ERBB4: variants seen among roughly 807,000 people sequenced by gnomAD.
The protein encoded by ERBB4 is receptor tyrosine-protein kinase erbB-4.
Under a neutral mutation model 158.0 loss-of-function variants are expected in ERBB4, and 42 were observed. That is an observed-to-expected ratio of 0.27 (90% CI 0.21 to 0.34). The LOEUF (loss-of-function observed/expected upper bound fraction) is 0.34. ERBB4 is among the 10% of genes least tolerant of loss of function. The pLI, the probability that ERBB4 is intolerant of heterozygous loss-of-function variation, is 1.00. For missense variants in ERBB4, 1,333 were observed against 1,624.1 expected (o/e 0.82, Z 3.08); for synonymous variants, 583 against 558.7 (o/e 1.04, Z -0.61).
At chr2:211,579,490 C>T (rs1484977013) in intron 19 of ERBB4, among the ~76,000 whole-genome samples, 2 of 152,150 alleles carry the variant, frequency 1.3e-5, no homozygotes, top group Admixed American at 1.3e-4. Flanking sequence ...TGGAAAGATA[C>T]ATGCACATCT....
intron 1 of ERBB4, among the ~76,000 whole-genome samples, chr2:212,151,407 C>T (rs776949090): frequency 3.5e-4 from 53 of 151,278 alleles, no homozygotes; most frequent in Non-Finnish European, 6.0e-4. Flanking sequence ...TATATCAAAC[C>T]ATCAATGTTA....
At chr2:212,206,140 T>C (rs2082738238) in intron 1 of ERBB4, among the ~76,000 whole-genome samples, 1 of 152,186 alleles carries the variant, frequency 6.6e-6, no homozygotes, top group African/African-American at 2.4e-5. Context: ...ACTGACCTGT[T>C]TCATGGTTAC....
intron 3 of ERBB4, among the ~76,000 whole-genome samples, chr2:211,934,900 C>T (rs1336857744): frequency 4.4e-5 from 5 of 113,404 alleles, no homozygotes; most frequent in Admixed American, 2.9e-4. Context: ...AGTAAAAAAT[C>T]TACACTAAGC....
intron 1 of ERBB4, among the ~76,000 whole-genome samples, chr2:212,142,303 T>C (rs2080507065): frequency 6.6e-6 from 1 of 152,090 alleles, no homozygotes; most frequent in African/African-American, 2.4e-5. Context: ...TTATAGCATT[T>C]GGAAGTACTT....
intron 25 of ERBB4, among the ~76,000 whole-genome samples, chr2:211,407,136 A>G (rs1191016493): frequency 1.3e-5 from 2 of 152,194 alleles, no homozygotes; most frequent in Non-Finnish European, 2.9e-5. Context: ...ATGAGATTTA[A>G]TAAACTAATA....
chr2:211,655,629 C>A (rs931871033), intron 16 of ERBB4, among the ~76,000 whole-genome samples: 1 of 152,166 alleles, frequency 6.6e-6, no homozygotes, highest in African/African-American at 2.4e-5. Context: ...ATAAGAAAAT[C>A]ATCAAAGCAA....
intron 1 of ERBB4, among the ~76,000 whole-genome samples, chr2:212,521,108 T>C (rs545718076): frequency 6.6e-5 from 10 of 152,064 alleles, no homozygotes; most frequent in Admixed American, 2.0e-4. Context: ...AGTTGTGTCC[T>C]ATATTGAAGT....
Position 211,556,776 on chromosome 2 carries a change from G to A in ERBB4, c.2487+5127C>T, listed in dbSNP as rs564728949. On this transcript the variant is annotated intron_variant, in intron 20 of 27. Transcript: ENST00000342788. ...AGAAAACTATTTTAAAATTCATATGGAACCAAAAAAGAGCCTGAATAGCCA... is the reference window on the plus strand; with the variant it reads ...AGAAAACTATTTTAAAATTCATATGAAACCAAAAAAGAGCCTGAATAGCCA... Among the ~76,000 whole-genome samples, 30 of 152,092 alleles carry A rather than the reference G, an allele frequency of 2.0e-4. No individual in the cohort carries two copies. In the South Asian group the frequency reaches 4.1e-3, roughly 21 times the overall value.
At chr2:212,277,736 C>T (rs2085597553) in intron 1 of ERBB4, among the ~76,000 whole-genome samples, 1 of 151,684 alleles carries the variant, frequency 6.6e-6, no homozygotes, top group Admixed American at 6.6e-5. Flanking sequence ...CTAAGATTCC[C>T]TTTCTTGTTC....
At chr2:211,739,562 C>T (rs11690747) in intron 5 of ERBB4, among the ~76,000 whole-genome samples, 1 of 151,946 alleles carries the variant, frequency 6.6e-6, no homozygotes, top group South Asian at 2.1e-4. Context: ...CTACCAGGTT[C>T]AACCGATTCT....
intron 4 of ERBB4, among the ~76,000 whole-genome samples, chr2:211,781,668 A>G (rs1265191952): frequency 6.6e-6 from 1 of 152,228 alleles, no homozygotes; most frequent in Admixed American, 6.5e-5. Context: ...TGGTCAATTC[A>G]TATAAAAATT....
intron 2 of ERBB4, among the ~76,000 whole-genome samples, chr2:212,049,535 C>A (rs760279611): frequency 6.6e-6 from 1 of 152,040 alleles, no homozygotes; most frequent in African/African-American, 2.4e-5. Context: ...CTATAAACTA[C>A]GTTATGACAG....
chr2:212,065,185 T>C (rs1031900467), intron 2 of ERBB4, among the ~76,000 whole-genome samples: 3 of 152,076 alleles, frequency 2.0e-5, no homozygotes, highest in Non-Finnish European at 4.4e-5. Context: ...GTTGAATATA[T>C]TCAAAGAGAC....
At chr2:212,077,992 G>A (rs1233951436) in intron 2 of ERBB4, among the ~76,000 whole-genome samples, 1 of 151,816 alleles carries the variant, frequency 6.6e-6, no homozygotes, top group African/African-American at 2.4e-5. Flanking sequence ...CTTGACTAAG[G>A]CTAATATAAG....
At chr2:212,431,810 C>T (rs750791072) in intron 1 of ERBB4, among the ~76,000 whole-genome samples, 2 of 152,298 alleles carry the variant, frequency 1.3e-5, no homozygotes, top group Non-Finnish European at 1.5e-5. Flanking sequence ...AGCATCTTCA[C>T]TTCCCTCAGA....
chr2:212,179,835 T>A (rs2081799356), intron 1 of ERBB4, among the ~76,000 whole-genome samples: 1 of 151,638 alleles, frequency 6.6e-6, no homozygotes, highest in Middle Eastern at 3.2e-3. Context: ...TTACTGGGAA[T>A]GGTCTCCCAA....
At chr2:212,139,189 T>C (rs1331979575) in intron 1 of ERBB4, among the ~76,000 whole-genome samples, 1 of 152,098 alleles carries the variant, frequency 6.6e-6, no homozygotes, top group East Asian at 1.9e-4. Flanking sequence ...TCATTCACTA[T>C]GACACACAAA....
intron 2 of ERBB4, among the ~76,000 whole-genome samples, chr2:211,983,777 G>A (rs996859725): frequency 3.3e-5 from 5 of 152,120 alleles, no homozygotes; most frequent in African/African-American, 1.2e-4. Flanking sequence ...TGACTTTCAA[G>A]TATTTGAAAG....
chr2:212,288,607 C>G (rs925534171), intron 1 of ERBB4, among the ~76,000 whole-genome samples: 5 of 152,138 alleles, frequency 3.3e-5, no homozygotes, highest in South Asian at 2.1e-4. Flanking sequence ...GCCGGCTTCT[C>G]GCTTTGCTGA....
Sources: gnomAD v4.1 joint callset for allele counts (sites outside exome capture counted in the v4.1 genomes callset) on GRCh38, gnomAD v4.1.1 for gene constraint, MANE v1.5 for transcripts, NCBI Gene and HGNC (gene_info 2026-07-23, HGNC 2026-07-21) for gene names.